The following ITGB1BP1 variants were observed in gnomAD, a reference collection of about 807,000 sequenced individuals.
ITGB1BP1 encodes the protein integrin beta-1-binding protein 1.
ITGB1BP1 carries 20 observed loss-of-function variants against 28.0 expected under a neutral mutation model. That is an observed-to-expected ratio of 0.71 (90% CI 0.50 to 1.04). The LOEUF is 1.04. Ranked by LOEUF, ITGB1BP1 falls within the 50% of genes least tolerant of loss-of-function variation. ITGB1BP1 has a pLI of 0.00. For missense variants in ITGB1BP1, 228 were observed against 242.5 expected (o/e 0.94, Z 0.40); for synonymous variants, 103 against 89.5 (o/e 1.15, Z -0.85).
At position 9,418,672 on chromosome 2, in the gene ITGB1BP1, T is replaced by C. The variant is rs1190552184; in HGVS notation, c.26A>G (p.His9Arg). Residue 9 changes from histidine (H) to arginine (R), a missense_variant, in exon 2 of 7, where the codon CAC becomes CGC. Transcript: ENST00000355346. MFRKGKKR[H>R]SSSSSQSSEI... Reference sequence around the variant, plus strand: ...GCTACTTTGGGAACTGCTACTACTGTGTCGTTTTTTGCCCTTGCGAAACAT... The same window carrying C: ...GCTACTTTGGGAACTGCTACTACTGCGTCGTTTTTTGCCCTTGCGAAACAT... 2 of 1,614,170 alleles carry C rather than the reference T, an allele frequency of 1.2e-6. No homozygotes were observed. Among genetic ancestry groups the C allele is most frequent in the East Asian group, 4.5e-5 (2 of 44,888 alleles).
chr2:9,417,736 C>T (rs1416415233), intron 2 of ITGB1BP1, among the ~76,000 whole-genome samples: 1 of 152,184 alleles, frequency 6.6e-6, no homozygotes. Context: ...AAGACCTTTT[C>T]TACCAGACTG....
rs772330568 is a variant in ITGB1BP1 at position 9,411,491 on chromosome 2, G to A, written c.288+778C>T. Among the ~76,000 whole-genome samples, 279 of 152,152 alleles carry A rather than the reference G, an allele frequency of 1.8e-3. 3 individuals are homozygous for A. The highest frequency in any genetic ancestry group is 2.8e-3 in the Non-Finnish European group (189 of 68,026). On this transcript the variant is annotated intron_variant, in intron 4 of 6. Coordinates refer to ENST00000355346, the MANE Select transcript of ITGB1BP1 (RefSeq NM_004763.5). ...AATCCCAGCGCTTTGGGAGGCCGAG[G>A]CAGGTGGATCAGGTGAGGTCAGGAA...
At chr2:9,408,499 C>G in intron 4 of ITGB1BP1, 1 of 263,766 alleles carries the variant, frequency 3.8e-6, no homozygotes, top group Non-Finnish European at 7.2e-6. Context: ...GTGAGCACAT[C>G]CGGCTAATTT....
At chr2:9,410,483 G>A (rs1678215496) in intron 4 of ITGB1BP1, among the ~76,000 whole-genome samples, 1 of 151,958 alleles carries the variant, frequency 6.6e-6, no homozygotes, top group South Asian at 2.1e-4. Context: ...TGTCACCCAG[G>A]GCTGGAGTGC....
rs997205306 is a variant in ITGB1BP1, at chr2:9,405,217, G to A, written c.*1617C>T. On this transcript the variant is annotated 3_prime_UTR_variant, in exon 7 of 7. Transcript: ENST00000355346. ...GTAACTAATAGTACTCTTACCAGAG[G>A]AGAAATTATATTAACGACCCTGCTA... 6.6e-6 allele frequency: 1 copy of A among 152,112 alleles called. No homozygotes were observed. Among genetic ancestry groups the A allele is most frequent in the African/African-American group, 2.4e-5 (1 of 41,420 alleles). The allele number at this position is 152,112 out of a possible 1,614,324, so 9.4% of individuals were successfully genotyped here. A position where few individuals can be genotyped will look rare whatever the true frequency, so the allele number is the denominator to read the frequency against.
chr2:9,417,151 C>G (rs1679246146), intron 2 of ITGB1BP1, among the ~76,000 whole-genome samples: 1 of 152,072 alleles, frequency 6.6e-6, no homozygotes, highest in Admixed American at 6.6e-5. Flanking sequence ...CTCCCTGGCC[C>G]CAGGCGCCCC....
chr2:9,407,824 G>A (rs1677736521), intron 5 of ITGB1BP1, among the ~76,000 whole-genome samples: 1 of 151,464 alleles, frequency 6.6e-6, no homozygotes, highest in Admixed American at 6.6e-5. Flanking sequence ...CACCGTCCAA[G>A]CTGACAGCTG....
Position 9,406,712 on chromosome 2 carries a change from A to G in ITGB1BP1, c.*122T>C. 1.4e-6 allele frequency: 1 copy of G among 728,318 alleles called. No homozygotes were observed. The highest frequency in any genetic ancestry group is 2.6e-5 in the East Asian group (1 of 38,242). The allele number at this position is 728,318 out of a possible 1,614,324, so 45.1% of individuals were successfully genotyped here. On this transcript the variant is annotated 3_prime_UTR_variant, in exon 7 of 7. Transcript: ENST00000355346. Reference sequence around the variant, plus strand: ...AAACAAATGATCAGCATTTTACACAATCCATTTTCTTCAGAAAATCTAGAG... The same window carrying G: ...AAACAAATGATCAGCATTTTACACAGTCCATTTTCTTCAGAAAATCTAGAG...
intron 3 of ITGB1BP1, 196 bp from the exon 4 acceptor site, chr2:9,412,601 T>C: frequency 1.9e-6 from 1 of 526,570 alleles, no homozygotes; most frequent in Non-Finnish European, 3.3e-6. Context: ...ACTCATGGTA[T>C]ACTAAATATA....
chr2:9,422,910 G>C lies in ITGB1BP1; in HGVS notation c.-36+463C>G, dbSNP rs1680072324. 6.1e-6 allele frequency: 6 copies of C among 985,840 alleles called. No individual in the cohort carries two copies. In the South Asian group the frequency reaches 1.9e-4, roughly 31 times the overall value. 61.1% of individuals were successfully genotyped at this position (985,840 alleles called of 1,614,324 possible). On this transcript the variant is annotated intron_variant, in intron 1 of 6. Transcript: ENST00000355346. ...AGTAAGGACGGATGCGGCCAAGCTC[G>C]GGGCCTAGGGAGAGCCGGCTCCGAA...
At chr2:9,412,508 A>G in intron 3 of ITGB1BP1, 103 bp from the exon 4 acceptor site, 1 of 898,822 alleles carries the variant, frequency 1.1e-6, no homozygotes, top group East Asian at 2.5e-5. Flanking sequence ...TTAGAACATA[A>G]CCACTAATTA....
chr2:9,412,074 T>G, intron 4 of ITGB1BP1, 195 bp downstream of exon 4: 1 of 524,816 alleles, frequency 1.9e-6, no homozygotes, highest in Non-Finnish European at 3.3e-6. Flanking sequence ...GTACCGTGTT[T>G]GAAGGGAGGA....
chr2:9,411,084 C>T (rs1678313146), intron 4 of ITGB1BP1, among the ~76,000 whole-genome samples: 3 of 152,082 alleles, frequency 2.0e-5, no homozygotes, highest in Admixed American at 2.0e-4. Context: ...GGCTCATGTA[C>T]TTCCACCATT....
At chr2:9,418,148 G>C (rs1379457273) in intron 2 of ITGB1BP1, among the ~76,000 whole-genome samples, 1 of 152,186 alleles carries the variant, frequency 6.6e-6, no homozygotes, top group Non-Finnish European at 1.5e-5. Context: ...TTTATTACTT[G>C]AGACAAAAGT....
At chr2:9,406,990 C>A in intron 6 of ITGB1BP1, 85 bp from the exon 7 acceptor site, 1 of 994,116 alleles carries the variant, frequency 1.0e-6, no homozygotes, top group South Asian at 1.3e-5. Context: ...ACACACCTGA[C>A]CCTCTTAAGA....
At position 9,404,316 on chromosome 2, in the gene ITGB1BP1, G is replaced by C. The variant is rs1677005797; in HGVS notation, c.*2518C>G. ...ACAGGAATGGTAGTCACACTGTCTT[G>C]AAATTGAATCTGTCCATCTGTTTAT... On this transcript the variant is annotated 3_prime_UTR_variant, in exon 7 of 7. Coordinates refer to ENST00000355346, the MANE Select transcript of ITGB1BP1 (RefSeq NM_004763.5). 1 of 152,196 alleles carries C rather than the reference G, an allele frequency of 6.6e-6. No individual in the cohort carries two copies. The highest frequency in any genetic ancestry group is 6.5e-5 in the Admixed American group (1 of 15,284). 9.4% of individuals were successfully genotyped at this position (152,196 alleles called of 1,614,324 possible).
intron 2 of ITGB1BP1, among the ~76,000 whole-genome samples, chr2:9,416,381 G>A (rs1227244505): frequency 6.6e-6 from 1 of 152,124 alleles, no homozygotes; most frequent in Non-Finnish European, 1.5e-5. Flanking sequence ...CAGCAGACAT[G>A]GAGTACAGCA....
intron 3 of ITGB1BP1, among the ~76,000 whole-genome samples, chr2:9,413,109 A>C (rs1217271445): frequency 2.6e-5 from 4 of 152,242 alleles, no homozygotes; most frequent in Non-Finnish European, 5.9e-5. Flanking sequence ...CTATATGATT[A>C]CTTTTAGGTT....
intron 2 of ITGB1BP1, among the ~76,000 whole-genome samples, chr2:9,414,507 T>A (rs914578416): frequency 1.3e-5 from 2 of 152,224 alleles, no homozygotes; most frequent in African/African-American, 4.8e-5. Flanking sequence ...GTGGCAATAT[T>A]CTTAGTCGAT....
Sources: allele counts gnomAD v4.1 joint callset (sites outside exome capture counted in the v4.1 genomes callset), GRCh38; gene constraint gnomAD v4.1.1; transcripts MANE v1.5; gene names NCBI Gene and HGNC (gene_info 2026-07-23, HGNC 2026-07-21).